Variants in CTSA observed in about 807,000 individuals in gnomAD.
CTSA encodes cathepsin A, also known as lysosomal protective protein.
A neutral mutation model predicts 66.7 loss-of-function variants in CTSA; 42 were observed. The observed-to-expected ratio is 0.63, with a 90% CI of 0.49 to 0.81. The LOEUF (loss-of-function observed/expected upper bound fraction) is 0.81. Ranked by LOEUF, CTSA falls within the 40% of genes least tolerant of loss-of-function variation. The pLI, the probability that CTSA is intolerant of heterozygous loss-of-function variation, is 0.00. For missense variants in CTSA, 525 were observed against 610.9 expected (o/e 0.86, Z 1.48); for synonymous variants, 225 against 248.6 (o/e 0.91, Z 0.89).
intron 12 of CTSA, chr20:45,897,457 A>C (rs2083122675): frequency 1.9e-6 from 1 of 515,730 alleles, no homozygotes; most frequent in African/African-American, 1.9e-5. Context: ...TACTAGCCAC[A>C]TAATCTTGGG....
Position 45,891,677 on chromosome 20 carries a change from C to A in CTSA, c.109C>A (p.Arg37Ser). ...AGCCCCCGACCAGGACGAGATCCAGCGCCTCCCCGGGCTGGCCAAGCAGCC... is the reference window on the plus strand; with the variant it reads ...AGCCCCCGACCAGGACGAGATCCAGAGCCTCCCCGGGCTGGCCAAGCAGCC... ...EAAPDQDEIQ[R>S]LPGLAKQPSF... Residue 37 changes from arginine to serine, a missense_variant, in exon 2 of 15, where the codon CGC becomes AGC. Arg to Ser is a moderately radical substitution (Grantham distance 110). Coordinates refer to ENST00000646241, the MANE Select transcript of CTSA (RefSeq NM_000308.4). The surrounding 1 kb of genome is among the most constrained non-coding windows in gnomAD (Gnocchi z 4.6). The A allele has an allele frequency of 6.2e-7, 1 of 1,613,072 alleles. No individual in the cohort carries two copies. Among genetic ancestry groups the A allele is most frequent in the Non-Finnish European group, 8.5e-7 (1 of 1,180,008 alleles).
At position 45,891,871 on chromosome 20, in the gene CTSA, A is replaced by T. The variant is rs573012948; in HGVS notation, c.195-45A>T. On this transcript the variant is annotated intron_variant, in intron 2 of 14. Transcript: ENST00000646241. This position sits in a 1 kb window ranked among gnomAD's most constrained non-coding sequence, Gnocchi z 4.6. ...TGCCTGGGAGCCGGGAGGGCTGGAA[A>T]GGGCCCCTCCAACTGCGCCAACCCT... 4 of 1,607,128 alleles carry T rather than the reference A, an allele frequency of 2.5e-6. No individual in the cohort carries two copies. The highest frequency in any genetic ancestry group is 3.4e-6 in the Non-Finnish European group (4 of 1,173,734).
chr20:45,892,921 C>G, intron 6 of CTSA, 41 bp downstream of exon 6: 1 of 1,610,392 alleles, frequency 6.2e-7, no homozygotes. Context: ...TAGCTTGAGG[C>G]TGTGGCCTTA....
At chr20:45,894,520 A>T in intron 8 of CTSA, 130 bp from the exon 9 acceptor site, 3 of 837,222 alleles carry the variant, frequency 3.6e-6, no homozygotes, top group Non-Finnish European at 6.1e-6. Context: ...ACTGAGCCTC[A>T]GTTTCCCTAC....
At chr20:45,897,513 G>A in intron 12 of CTSA, 1 of 568,440 alleles carries the variant, frequency 1.8e-6, no homozygotes, top group Non-Finnish European at 3.1e-6. Context: ...TGTAAAATGG[G>A]GATAATAATG....
rs968300329 is a variant in CTSA at position 45,898,001 on chromosome 20, G to C, written c.1255-4G>C. 1.2e-5 allele frequency: 19 copies of C among 1,613,958 alleles called. No individual in the cohort carries two copies. Among genetic ancestry groups the C allele is most frequent in the Admixed American group, 3.3e-5 (2 of 60,012 alleles). On this transcript the variant is annotated splice_region_variant and splice_polypyrimidine_tract_variant and intron_variant, in intron 13 of 14. Transcript: ENST00000646241. The surrounding 1 kb of genome is among the most constrained non-coding windows in gnomAD (Gnocchi z 4.6). ...GTAGGCTGATGTCTTTCCTGGTGGG[G>C]CAGATGGAGGTGCAGCGCCGGCCCT...
At chr20:45,894,516 C>G in intron 8 of CTSA, 134 bp from the exon 9 acceptor site, 6 of 808,912 alleles carry the variant, frequency 7.4e-6, no homozygotes, top group South Asian at 1.4e-5. Context: ...TGCCACTGAG[C>G]CTCAGTTTCC....
chr20:45,893,108 A>G (rs988553003), intron 6 of CTSA, 112 bp from the exon 7 acceptor site: 1 of 1,068,790 alleles, frequency 9.4e-7, no homozygotes, highest in African/African-American at 1.6e-5. Flanking sequence ...ACCGGCCTAC[A>G]TAAACCACCC....
In CTSA at chr20:45,891,711, G is replaced by A. The variant is rs780510269; in HGVS notation, c.143G>A (p.Arg48His). Residue 48 changes from arginine (R) to histidine (H), a missense_variant, in exon 2 of 15, where the codon CGC (arginine) becomes CAC (histidine). This residue lies in a region of CTSA where 246 missense variants were observed against 267.4 expected (regional missense o/e 0.92). Transcript: ENST00000646241. The surrounding 1 kb of genome is among the most constrained non-coding windows in gnomAD (Gnocchi z 4.6). Reference protein sequence around the residue: ...LPGLAKQPSFRQYSGYLKGSG... With the variant: ...LPGLAKQPSFHQYSGYLKGSG... ...GGGCTGGCCAAGCAGCCGTCTTTCC[G>A]CCAGTACTCCGGCTACCTCAAAGGC... 3.1e-6 allele frequency: 5 copies of A among 1,613,480 alleles called. No homozygotes were observed. In the East Asian group the frequency reaches 1.1e-4, roughly 36 times the overall value.
chr20:45,893,277 T>G lies in CTSA; in HGVS notation c.658T>G (p.Tyr220Asp), dbSNP rs1257320605. The stretch of plus-strand genomic sequence containing the variant: ...TGAGCAGAATGACAACTCCCTGGTC[T>G]ACTTTGCCTACTACCATGGCCTTCT... Reference protein sequence around the residue: ...SYEQNDNSLVYFAYYHGLLGN... With the variant: ...SYEQNDNSLVDFAYYHGLLGN... Residue 220 changes from tyrosine to aspartate, a missense_variant, in exon 7 of 15, where the codon TAC (tyrosine) becomes GAC (aspartate). Transcript: ENST00000646241. 2 of 1,613,996 alleles carry G rather than the reference T, an allele frequency of 1.2e-6. No individual in the cohort carries two copies. The highest frequency in any genetic ancestry group is 1.7e-6 in the Non-Finnish European group (2 of 1,179,998).
At chr20:45,895,787 G>C (rs1277737387) in intron 11 of CTSA, among the ~76,000 whole-genome samples, 1 of 152,020 alleles carries the variant, frequency 6.6e-6, no homozygotes, top group Non-Finnish European at 1.5e-5. Flanking sequence ...GTCTCACTAT[G>C]TTGTCCAGGT....
In CTSA at chr20:45,894,072, T is replaced by C; in HGVS notation, c.777T>C (p.Asn259=). The C allele has an allele frequency of 1.3e-6, 2 of 1,598,840 alleles. No individual in the cohort carries two copies. Among genetic ancestry groups the C allele is most frequent in the Non-Finnish European group, 1.7e-6 (2 of 1,166,244 alleles). Residue 259 remains asparagine, a splice_region_variant and synonymous_variant, in exon 8 of 15, where the codon AAT becomes AAC. Coordinates refer to ENST00000646241, the MANE Select transcript of CTSA (RefSeq NM_000308.4). ...ACAAAGACCTGGAATGCGTGACCAA[T>C]GTGAGGTTCTGCCATCACTTTGCAT... ...YDNKDLECVT[N]LQEVARIVGN...
chr20:45,891,376 A>C lies in CTSA; in HGVS notation c.-4A>C. ...CTGGAGAGCAAGGACGCGGGGGAGC[A>C]GAGGTGAGCTGGCACCGGAGGCTGG... On this transcript the variant is annotated 5_prime_UTR_variant, in exon 1 of 15. Coordinates refer to ENST00000646241, the MANE Select transcript of CTSA (RefSeq NM_000308.4). The surrounding 1 kb of genome is among the most constrained non-coding windows in gnomAD (Gnocchi z 4.6). 1 of 1,573,294 alleles carries C rather than the reference A, an allele frequency of 6.4e-7. No homozygotes were observed. Among genetic ancestry groups the C allele is most frequent in the Non-Finnish European group, 8.6e-7 (1 of 1,160,014 alleles).
chr20:45,896,951 T>C lies in CTSA; in HGVS notation c.1089-14T>C. Reference sequence around the variant, plus strand: ...ACCTGGTCTTCCTGGGGCCTGCTCGTATGTTCCCGGCAGCTTTCTGGTAAA... The same window carrying C: ...ACCTGGTCTTCCTGGGGCCTGCTCGCATGTTCCCGGCAGCTTTCTGGTAAA... On this transcript the variant is annotated splice_polypyrimidine_tract_variant and intron_variant, in intron 11 of 14. Transcript: ENST00000646241. 6.2e-7 allele frequency: 1 copy of C among 1,613,022 alleles called. No homozygotes were observed. The highest frequency in any genetic ancestry group is 8.5e-7 in the Non-Finnish European group (1 of 1,179,056).
intron 6 of CTSA, 132 bp downstream of exon 6, chr20:45,893,012 T>A: frequency 8.8e-7 from 1 of 1,136,948 alleles, no homozygotes; most frequent in Non-Finnish European, 1.3e-6. Context: ...CCGGCTGCCC[T>A]AGGTCTGTCT....
intron 7 of CTSA, among the ~76,000 whole-genome samples, chr20:45,893,641 C>A (rs548093068): frequency 8.5e-5 from 13 of 152,196 alleles, no homozygotes; most frequent in Non-Finnish European, 1.8e-4. Flanking sequence ...TACCACCACA[C>A]CTGCCTAATT....
intron 3 of CTSA, 64 bp from the exon 4 acceptor site, chr20:45,892,209 G>A: frequency 6.4e-7 from 1 of 1,556,246 alleles, no homozygotes; most frequent in Non-Finnish European, 8.9e-7. Flanking sequence ...TGCCTCTCAT[G>A]GTGGCCCTTT....
rs1423301778 is a variant in CTSA, at chr20:45,898,545, G to A, written c.*95G>A. 3 of 1,243,528 alleles carry A rather than the reference G, an allele frequency of 2.4e-6. No homozygotes were observed. The East Asian group carries it at 7.5e-5, about 31-fold the overall frequency. The allele number at this position is 1,243,528 out of a possible 1,614,324, so 77.0% of individuals were successfully genotyped here. A position where few individuals can be genotyped will look rare whatever the true frequency, so the allele number is the denominator to read the frequency against. ...CTAAGCAAAGTGCCCCTGCAGGCCGGGTTCTGCCGCCAGGACTGCCCCCTT... is the reference window on the plus strand; with the variant it reads ...CTAAGCAAAGTGCCCCTGCAGGCCGAGTTCTGCCGCCAGGACTGCCCCCTT... On this transcript the variant is annotated 3_prime_UTR_variant, in exon 15 of 15. Transcript: ENST00000646241. The surrounding 1 kb of genome is among the most constrained non-coding windows in gnomAD (Gnocchi z 4.6).
rs765829696 is a variant in CTSA at position 45,898,067 on chromosome 20, C to T, written c.1317C>T (p.Gly439=). Residue 439 remains glycine (G), a synonymous_variant, in exon 14 of 15, where the codon GGC becomes GGT. Coordinates refer to ENST00000646241, the MANE Select transcript of CTSA (RefSeq NM_000308.4). This position sits in a 1 kb window ranked among gnomAD's most constrained non-coding sequence, Gnocchi z 4.6. ...KYGDSGEQIA[G]FVKEFSHIAF... is the part of the protein sequence containing the mutation. ...GGGACAGCGGGGAGCAGATTGCCGG[C>T]TTCGTGAAGGAGTTCTCCCACATCG... 1 of 1,614,110 alleles carries T rather than the reference C, an allele frequency of 6.2e-7. No homozygotes were observed. The highest frequency in any genetic ancestry group is 8.5e-7 in the Non-Finnish European group (1 of 1,180,016).
Sources: gnomAD v4.1 joint callset for allele counts (sites outside exome capture counted in the v4.1 genomes callset) on GRCh38, gnomAD v4.1.1 for gene constraint, gnomAD v4.1.1 regional missense constraint, Gnocchi (gnomAD v3.1) non-coding constraint, MANE v1.5 for transcripts, NCBI Gene and HGNC (gene_info 2026-07-23, HGNC 2026-07-21) for gene names.